APPBP2: variants seen among roughly 807,000 people sequenced by gnomAD.
APPBP2 encodes amyloid beta precursor protein binding protein 2, also known as amyloid protein-binding protein 2.
A neutral mutation model predicts 76.0 loss-of-function variants in APPBP2; 15 were observed. The observed-to-expected ratio is 0.20, with a 90% CI of 0.13 to 0.30. The LOEUF is 0.30. Ranked by LOEUF, APPBP2 falls within the 10% of genes least tolerant of loss-of-function variation. APPBP2 has a pLI of 1.00. For missense variants in APPBP2, 401 were observed against 687.2 expected (o/e 0.58, Z 4.66); for synonymous variants, 222 against 242.2 (o/e 0.92, Z 0.77).
At chr17:60,467,057 C>T (rs901555194) in intron 4 of APPBP2, among the ~76,000 whole-genome samples, 9 of 152,168 alleles carry the variant, frequency 5.9e-5, no homozygotes, top group South Asian at 2.1e-4. Context: ...AAAAATAGTA[C>T]AATGCTTTAG....
chr17:60,488,594 A>G (rs2090700362), intron 3 of APPBP2, among the ~76,000 whole-genome samples: 1 of 151,328 alleles, frequency 6.6e-6, no homozygotes, highest in Non-Finnish European at 1.5e-5. Flanking sequence ...TGTCTGCAAA[A>G]CTCTTCTGGT....
chr17:60,462,651 T>C (rs924585496), intron 6 of APPBP2: 1 of 152,240 alleles, frequency 6.6e-6, no homozygotes, highest in African/African-American at 2.4e-5. Flanking sequence ...AATTTGCATA[T>C]AGAAATATAA....
intron 4 of APPBP2, among the ~76,000 whole-genome samples, chr17:60,469,109 C>T (rs2090532294): frequency 6.6e-6 from 1 of 151,840 alleles, no homozygotes; most frequent in Non-Finnish European, 1.5e-5. Flanking sequence ...AGGCGGATCA[C>T]GATGTCAGGA....
At chr17:60,491,880 A>G (rs906446189) in intron 3 of APPBP2, among the ~76,000 whole-genome samples, 5 of 152,254 alleles carry the variant, frequency 3.3e-5, no homozygotes, top group African/African-American at 1.2e-4. Flanking sequence ...AGTAACGAGC[A>G]GCCAAATGCT....
intron 11 of APPBP2, 125 bp downstream of exon 11, chr17:60,454,177 C>T: frequency 1.4e-6 from 1 of 704,090 alleles, no homozygotes; most frequent in Non-Finnish European, 2.1e-6. Flanking sequence ...TTGTTTTATA[C>T]TCACTATCTT....
Position 60,508,567 on chromosome 17 carries a change from G to A in APPBP2, c.139-8080C>T, listed in dbSNP as rs188524193. Among the ~76,000 whole-genome samples, 193 of 152,244 alleles carry A rather than the reference G, an allele frequency of 1.3e-3. 1 individual carries two copies. The highest frequency in any genetic ancestry group is 4.3e-3 in the African/African-American group (180 of 41,546). On this transcript the variant is annotated intron_variant, in intron 1 of 12. Transcript: ENST00000083182. Reference sequence around the variant, plus strand: ...AAGCTAGAGTATCAAAGACCAGAAAGGAGCTGAGGCAGCATATCCTGTAAG... The same window carrying A: ...AAGCTAGAGTATCAAAGACCAGAAAAGAGCTGAGGCAGCATATCCTGTAAG...
At chr17:60,474,828 T>C (rs2090577706) in intron 4 of APPBP2, among the ~76,000 whole-genome samples, 1 of 152,200 alleles carries the variant, frequency 6.6e-6, no homozygotes, top group Non-Finnish European at 1.5e-5. Context: ...GTGAGACATA[T>C]ATTACAATAT....
intron 4 of APPBP2, among the ~76,000 whole-genome samples, chr17:60,474,679 A>G (rs568426323): frequency 6.6e-6 from 1 of 152,338 alleles, no homozygotes; most frequent in Non-Finnish European, 1.5e-5. Flanking sequence ...CTAAACCTGT[A>G]ATAGGTTTGA....
intron 1 of APPBP2, among the ~76,000 whole-genome samples, chr17:60,520,641 C>G (rs2091002676): frequency 6.6e-6 from 1 of 151,452 alleles, no homozygotes; most frequent in Non-Finnish European, 1.5e-5. Context: ...ACACTTCACC[C>G]AGACAAAGTT....
At position 60,525,994 on chromosome 17, in the gene APPBP2, T is replaced by C. The variant is rs1748026966; in HGVS notation, c.-63A>G. 9.4e-6 allele frequency: 14 copies of C among 1,482,042 alleles called. No individual in the cohort carries two copies. The highest frequency in any genetic ancestry group is 2.5e-5 in the East Asian group (1 of 40,436). 91.8% of individuals were successfully genotyped at this position (1,482,042 alleles called of 1,614,324 possible). A position where few individuals can be genotyped will look rare whatever the true frequency, so the allele number is the denominator to read the frequency against. On this transcript the variant is annotated 5_prime_UTR_variant, in exon 1 of 13. Coordinates refer to ENST00000083182, the MANE Select transcript of APPBP2 (RefSeq NM_006380.5). ...TCCCGAAGGCCCCCACCTCCCTCCG[T>C]AGCGAACCCCTCTGCGGCCCCGGAG...
At chr17:60,486,621 C>T (rs2091105908) in intron 3 of APPBP2, among the ~76,000 whole-genome samples, 1 of 152,138 alleles carries the variant, frequency 6.6e-6, no homozygotes. Flanking sequence ...AAATACAGCA[C>T]ACTGATGGGT....
intron 1 of APPBP2, among the ~76,000 whole-genome samples, chr17:60,512,254 C>T (rs1402116647): frequency 6.6e-6 from 1 of 151,932 alleles, no homozygotes; most frequent in Admixed American, 6.6e-5. Context: ...AAGTGCCCAC[C>T]ACCACGCCCA....
Position 60,494,965 on chromosome 17 carries a change from GTTTTTTTTGTTTTGTTTTGTTTTTT to G in APPBP2, c.228-373_228-349del, listed in dbSNP as rs1422360241. 3.6e-4 allele frequency among the ~76,000 whole-genome samples: 45 copies of G among 125,676 alleles called. No individual in the cohort carries two copies. In the South Asian group the frequency reaches 4.9e-3, roughly 14 times the overall value. The allele number at this position is 125,676 out of a possible 152,430, so 82.4% of individuals were successfully genotyped here. A position where few individuals can be genotyped will look rare whatever the true frequency, so the allele number is the denominator to read the frequency against. On this transcript the variant is annotated intron_variant, in intron 2 of 12. Transcript: ENST00000083182. ...TTTAAAAGGCAATGAAGATAGAAGA[GTTTTTTTTGTTTTGTTTTGTTTTTT>G]TTTTTTTTTTTTGAGATGGAGTCTC...
intron 5 of APPBP2, among the ~76,000 whole-genome samples, chr17:60,464,522 T>C (rs988964354): frequency 6.6e-6 from 1 of 152,234 alleles, no homozygotes; most frequent in African/African-American, 2.4e-5. Context: ...TATGTCTGAA[T>C]TGTCTGTTTA....
rs987609381 is a variant in APPBP2 at position 60,443,539 on chromosome 17, A to T, written c.*4042T>A. 6.5e-6 allele frequency: 1 copy of T among 152,684 alleles called. No individual in the cohort carries two copies. The allele number at this position is 152,684 out of a possible 1,614,324, so 9.5% of individuals were successfully genotyped here. ...GACCTGGTAATATTTAATAAAACGT[A>T]GCATTCATTCACATCATAAAAGTAG... On this transcript the variant is annotated 3_prime_UTR_variant, in exon 13 of 13. Coordinates refer to ENST00000083182, the MANE Select transcript of APPBP2 (RefSeq NM_006380.5).
At chr17:60,518,692 C>T (rs1262614070) in intron 1 of APPBP2, among the ~76,000 whole-genome samples, 1 of 152,080 alleles carries the variant, frequency 6.6e-6, no homozygotes, top group Non-Finnish European at 1.5e-5. Context: ...TTTGTAGAGA[C>T]AGGGTCTCCC....
chr17:60,496,753 C>T (rs563670374), intron 2 of APPBP2, among the ~76,000 whole-genome samples: 3 of 152,248 alleles, frequency 2.0e-5, no homozygotes, highest in Admixed American at 2.0e-4. Context: ...CAGAGTCTCA[C>T]TCTGTCACCC....
intron 3 of APPBP2, among the ~76,000 whole-genome samples, chr17:60,491,781 G>C (rs2090731311): frequency 6.6e-6 from 1 of 152,128 alleles, no homozygotes; most frequent in South Asian, 2.1e-4. Flanking sequence ...GAGCATAAAA[G>C]TTTGGAAAAT....
chr17:60,497,568 A>G (rs1402153889), intron 2 of APPBP2, among the ~76,000 whole-genome samples: 2 of 152,204 alleles, frequency 1.3e-5, no homozygotes, highest in African/African-American at 2.4e-5. Context: ...TGTGATTATT[A>G]CACATTGCAT....
Sources: allele counts gnomAD v4.1 joint callset (sites outside exome capture counted in the v4.1 genomes callset), GRCh38; gene constraint gnomAD v4.1.1; transcripts MANE v1.5; gene names NCBI Gene and HGNC (gene_info 2026-07-23, HGNC 2026-07-21).